KLF13: variants seen among roughly 807,000 people sequenced by gnomAD.
KLF13 encodes Krueppel-like factor 13.
In KLF13, 8 loss-of-function variants were observed where a neutral mutation model predicts 16.7. That is an observed-to-expected ratio of 0.48 (90% confidence interval 0.28 to 0.87). The LOEUF (loss-of-function observed/expected upper bound fraction) is 0.87. Ranked by LOEUF, KLF13 falls within the 40% of genes least tolerant of loss-of-function variation. The probability of loss-of-function intolerance (pLI) is 0.10; values close to 1 mark genes in which losing one functional copy is unlikely to be tolerated. For missense variants in KLF13, 447 were observed against 452.2 expected (o/e 0.99, Z 0.10); for synonymous variants, 245 against 208.4 (o/e 1.18, Z -1.51).
At chr15:31,399,190 A>T (rs1190909028) in intron 2 of KLF13, among the ~76,000 whole-genome samples, 1 of 152,206 alleles carries the variant, frequency 6.6e-6, no homozygotes, top group African/African-American at 2.4e-5. Flanking sequence ...GGCAACCCAC[A>T]TGGCAGGGAA....
chr15:31,388,826 A>ACAC (rs2039826994), upstream of KLF13, among the ~76,000 whole-genome samples: 1 of 147,232 alleles, frequency 6.8e-6, no homozygotes, highest in Middle Eastern at 3.2e-3. Context: ...CCCCCCACAC[A>ACAC]CACCAGTTCT....
upstream of KLF13, among the ~76,000 whole-genome samples, chr15:31,388,639 A>G (rs560773696): frequency 2.0e-5 from 3 of 151,422 alleles, no homozygotes; most frequent in South Asian, 6.3e-4. Context: ...GAAAACCAGT[A>G]AAATATGTTT....
chr15:31,430,328 G>T (rs573814070), intron 1 of KLF13, among the ~76,000 whole-genome samples: 4 of 152,144 alleles, frequency 2.6e-5, no homozygotes, highest in Non-Finnish European at 4.4e-5. Context: ...GGGAAAAAAT[G>T]GGTGTCTTAG....
At chr15:31,348,314 G>A (rs1259159750) in intron 1 of KLF13, among the ~76,000 whole-genome samples, 2 of 152,164 alleles carry the variant, frequency 1.3e-5, no homozygotes, top group African/African-American at 4.8e-5. Context: ...AGAGGGCCTG[G>A]CTCTGTCAGC....
intron 1 of KLF13, among the ~76,000 whole-genome samples, chr15:31,356,337 TGAGGTCAG>T (rs956805252): frequency 1.3e-5 from 2 of 152,228 alleles, no homozygotes; most frequent in African/African-American, 4.8e-5. Flanking sequence ...ATGGATCACC[TGAGGTCAG>T]GAGTTTCAGA....
downstream of KLF13, among the ~76,000 whole-genome samples, chr15:31,405,633 T>C (rs1202956921): frequency 6.6e-6 from 1 of 152,138 alleles, no homozygotes; most frequent in Non-Finnish European, 1.5e-5. Context: ...AGTTTGGTCT[T>C]TTTGTAAAGA....
chr15:31,422,173 T>C (rs952893381), intron 1 of KLF13, among the ~76,000 whole-genome samples: 1 of 150,442 alleles, frequency 6.6e-6, no homozygotes, highest in African/African-American at 2.4e-5. Context: ...AGTGGTTCAA[T>C]AGATTTTTCA....
intron 1 of KLF13, among the ~76,000 whole-genome samples, chr15:31,382,931 C>T (rs1305451982): frequency 6.6e-6 from 1 of 152,214 alleles, no homozygotes; most frequent in Non-Finnish European, 1.5e-5. Flanking sequence ...GTGTCCTGAC[C>T]CCAGCTCCAG....
chr15:31,415,506 A>T (rs1254079026), intron 1 of KLF13, among the ~76,000 whole-genome samples: 2 of 152,220 alleles, frequency 1.3e-5, no homozygotes, highest in African/African-American at 4.8e-5. Context: ...ACTCAGAGAT[A>T]TGTGGAAATT....
chr15:31,435,228 GC>G (rs2040515869), intron 1 of KLF13: 1 of 152,426 alleles, frequency 6.6e-6, no homozygotes, highest in East Asian at 1.9e-4. Context: ...ACTGGGGACA[GC>G]TCGGGCTTTC....
At chr15:31,386,949 T>G (rs1382831837) in intron 1 of KLF13, among the ~76,000 whole-genome samples, 1 of 152,236 alleles carries the variant, frequency 6.6e-6, no homozygotes, top group Non-Finnish European at 1.5e-5. Flanking sequence ...TGAGATCTAC[T>G]GCTCAGGAAA....
At chr15:31,349,258 C>T (rs537752224) in intron 1 of KLF13, among the ~76,000 whole-genome samples, 1 of 152,338 alleles carries the variant, frequency 6.6e-6, no homozygotes, top group Admixed American at 6.5e-5. Flanking sequence ...TCCCAGGACC[C>T]AGGGCAATGC....
At chr15:31,426,691 T>C (rs529540436) in intron 1 of KLF13, among the ~76,000 whole-genome samples, 3 of 152,306 alleles carry the variant, frequency 2.0e-5, no homozygotes, top group South Asian at 4.1e-4. Context: ...TGATGGTTAA[T>C]TTTATGTGTC....
Position 31,354,313 on chromosome 15 carries a change from C to T in KLF13, c.578-17697C>T, listed in dbSNP as rs1188727597. Reference sequence around the variant, plus strand: ...AGAGGAGGGATGGGCTGAAATCCAGCGAGGAGGAATGGCCTCCAGGCAGGG... The same window carrying T: ...AGAGGAGGGATGGGCTGAAATCCAGTGAGGAGGAATGGCCTCCAGGCAGGG... On this transcript the variant is annotated intron_variant, in intron 1 of 1. Coordinates refer to ENST00000307145, the MANE Select transcript of KLF13 (RefSeq NM_015995.4). Among the ~76,000 whole-genome samples, 5 of 152,186 alleles carry T rather than the reference C, an allele frequency of 3.3e-5. No homozygotes were observed. The South Asian group carries it at 6.2e-4, about 19-fold the overall frequency.
At position 31,372,188 on chromosome 15, in the gene KLF13, C is replaced by T. The variant is rs772086539; in HGVS notation, c.756C>T (p.Phe252=). 1.2e-6 allele frequency: 2 copies of T among 1,611,364 alleles called. No individual in the cohort carries two copies. Among genetic ancestry groups the T allele is most frequent in the East Asian group, 4.5e-5 (2 of 44,866 alleles). The change falls in exon 2 of 2, where the codon TTC becomes TTT. Residue 252 remains phenylalanine (F), a synonymous_variant. Transcript: ENST00000307145. ...AGCACGCGCGCCGCCACGCCAACTT[C>T]CACCCGGGAATGCTGCAGCGGCGCG... ...LTKHARRHAN[F]HPGMLQRRGG...
chr15:31,434,956 A>G (rs2040512672), intron 1 of KLF13, among the ~76,000 whole-genome samples: 2 of 152,146 alleles, frequency 1.3e-5, no homozygotes, highest in Non-Finnish European at 2.9e-5. Context: ...ACTGGCCAAA[A>G]CTAGGGCTGA....
chr15:31,419,289 A>G (rs2040293433), intron 1 of KLF13, among the ~76,000 whole-genome samples: 1 of 152,222 alleles, frequency 6.6e-6, no homozygotes, highest in Non-Finnish European at 1.5e-5. Context: ...GCCCAAAGGA[A>G]CAAAATAAAT....
chr15:31,405,776 T>G (rs1048495079), downstream of KLF13, among the ~76,000 whole-genome samples: 1 of 152,156 alleles, frequency 6.6e-6, no homozygotes, highest in African/African-American at 2.4e-5. Flanking sequence ...AAGGGGACCC[T>G]TGGCAGCTAT....
chr15:31,340,239 C>G (rs1473395839), intron 1 of KLF13, among the ~76,000 whole-genome samples: 1 of 152,238 alleles, frequency 6.6e-6, no homozygotes, highest in Admixed American at 6.5e-5. Context: ...CAGGCGTGAA[C>G]CTGCCTACAA....
Sources: gnomAD v4.1 joint callset for allele counts (sites outside exome capture counted in the v4.1 genomes callset) on GRCh38, gnomAD v4.1.1 for gene constraint, MANE v1.5 for transcripts, NCBI Gene and HGNC (gene_info 2026-07-23, HGNC 2026-07-21) for gene names.